Variants in UBE3C observed in about 807,000 individuals in gnomAD.
The protein encoded by UBE3C is ubiquitin-protein ligase E3C.
Under a neutral mutation model 129.4 loss-of-function variants are expected in UBE3C, and 42 were observed. That is an observed-to-expected ratio of 0.32 (90% CI 0.25 to 0.42). UBE3C has a LOEUF of 0.42. Among genes scored for constraint, UBE3C ranks in the 10% least tolerant of loss-of-function variants. The pLI, the probability that UBE3C is intolerant of heterozygous loss-of-function variation, is 1.00. For synonymous variants in UBE3C, 510 were observed against 492.4 expected, an observed-to-expected ratio of 1.04 and a Z score of -0.47; for missense variants, 1,049 against 1,319.1, an observed-to-expected ratio of 0.80 and a Z score of 3.17.
At chr7:157,200,852 G>A (rs1809259807) in intron 10 of UBE3C, among the ~76,000 whole-genome samples, 1 of 152,142 alleles carries the variant, frequency 6.6e-6, no homozygotes, top group African/African-American at 2.4e-5. Flanking sequence ...CTAGGCTGAA[G>A]CAATCTGCCT....
At chr7:157,197,829 G>T (rs1458856442) in intron 10 of UBE3C, 1 of 1,612,806 alleles carries the variant, frequency 6.2e-7, no homozygotes, top group African/African-American at 1.3e-5. Context: ...AATTTTTGTT[G>T]TTGGCACTGA....
chr7:157,191,917 A>G (rs1326748414), intron 10 of UBE3C, among the ~76,000 whole-genome samples: 2 of 152,172 alleles, frequency 1.3e-5, no homozygotes, highest in Admixed American at 6.5e-5. Flanking sequence ...TTTTATTATC[A>G]GTGATATTTT....
intron 1 of UBE3C, among the ~76,000 whole-genome samples, chr7:157,155,287 A>G (rs2116830070): frequency 6.6e-6 from 1 of 152,320 alleles, no homozygotes; most frequent in East Asian, 1.9e-4. Context: ...AGTGTATAAA[A>G]TGGCTAGCAT....
At chr7:157,188,299 T>C (rs1808865171) in intron 10 of UBE3C, among the ~76,000 whole-genome samples, 2 of 152,234 alleles carry the variant, frequency 1.3e-5, no homozygotes, top group African/African-American at 4.8e-5. Flanking sequence ...AAAGCATTCT[T>C]TGAAATGAAC....
chr7:157,159,807 C>A (rs938207727), intron 1 of UBE3C, among the ~76,000 whole-genome samples: 1 of 152,088 alleles, frequency 6.6e-6, no homozygotes, highest in Non-Finnish European at 1.5e-5. Context: ...TGGGCCAGAG[C>A]GAGACTCTGT....
At chr7:157,164,235 C>G (rs1036871645) in intron 2 of UBE3C, among the ~76,000 whole-genome samples, 1 of 152,060 alleles carries the variant, frequency 6.6e-6, no homozygotes, top group African/African-American at 2.4e-5. Context: ...TCATAGCTCA[C>G]TGTAGCCTTG....
chr7:157,241,910 A>G (rs1796339759), intron 18 of UBE3C, among the ~76,000 whole-genome samples: 1 of 152,186 alleles, frequency 6.6e-6, no homozygotes, highest in Non-Finnish European at 1.5e-5. Flanking sequence ...AGATGCAGAG[A>G]TCACCAAAGA....
intron 1 of UBE3C, among the ~76,000 whole-genome samples, chr7:157,163,388 CA>C (rs367764291): frequency 2.1e-3 from 199 of 95,216 alleles, no homozygotes; most frequent in East Asian, 2.6e-3. Flanking sequence ...GACTCCATCT[CA>C]AAAAAAAAAA....
intron 13 of UBE3C, among the ~76,000 whole-genome samples, chr7:157,210,165 A>ACT (rs1012604242): frequency 6.6e-6 from 1 of 150,546 alleles, no homozygotes; most frequent in Non-Finnish European, 1.5e-5. Context: ...CGGTAGGGTG[A>ACT]CTCTCTCTCC....
intron 17 of UBE3C, among the ~76,000 whole-genome samples, chr7:157,225,912 A>G (rs1403370885): frequency 6.6e-6 from 1 of 152,196 alleles, no homozygotes; most frequent in Non-Finnish European, 1.5e-5. Context: ...TGATTGTGCT[A>G]CTGCTCAGGC....
intron 14 of UBE3C, among the ~76,000 whole-genome samples, chr7:157,218,077 G>C (rs948561800): frequency 6.6e-6 from 1 of 152,118 alleles, no homozygotes; most frequent in Non-Finnish European, 1.5e-5. Flanking sequence ...GGTATTTTCA[G>C]TTCTTGAGAA....
At chr7:157,175,802 A>C (rs114408937) in intron 5 of UBE3C, among the ~76,000 whole-genome samples, 294 of 150,764 alleles carry the variant, frequency 2.0e-3, no homozygotes, top group African/African-American at 7.0e-3. Context: ...TTTCTAACTT[A>C]TTTCTTTAAT....
intron 6 of UBE3C, 106 bp from the exon 7 acceptor site, chr7:157,181,408 AACTT>A: frequency 1.1e-6 from 1 of 932,682 alleles, no homozygotes; most frequent in Non-Finnish European, 1.6e-6. Context: ...TTAAAGAACT[AACTT>A]AAGTTTGGAC....
intron 4 of UBE3C, among the ~76,000 whole-genome samples, chr7:157,171,121 CTT>C (rs5888710): frequency 3.3e-5 from 5 of 151,722 alleles, no homozygotes; most frequent in African/African-American, 1.2e-4. Flanking sequence ...TTTAGGGTCT[CTT>C]TTGTGGGGAG....
chr7:157,247,623 C>T (rs1384659014), intron 18 of UBE3C, among the ~76,000 whole-genome samples: 1 of 151,958 alleles, frequency 6.6e-6, no homozygotes, highest in Middle Eastern at 3.4e-3. Context: ...ACCTGGGAGG[C>T]GGAGGTTGCA....
chr7:157,150,513 C>T (rs1586643967), intron 1 of UBE3C, among the ~76,000 whole-genome samples: 1 of 152,158 alleles, frequency 6.6e-6, no homozygotes, highest in African/African-American at 2.4e-5. Context: ...TGATTTATGG[C>T]ATTACTTATA....
At chr7:157,238,858 G>A (rs1245190067) in intron 18 of UBE3C, among the ~76,000 whole-genome samples, 1 of 152,150 alleles carries the variant, frequency 6.6e-6, no homozygotes, top group Non-Finnish European at 1.5e-5. Flanking sequence ...GGAAAGGAAG[G>A]GAGAAAACCA....
At chr7:157,247,721 C>G (rs777733207) in intron 18 of UBE3C, among the ~76,000 whole-genome samples, 6 of 152,096 alleles carry the variant, frequency 3.9e-5, no homozygotes, top group Non-Finnish European at 8.8e-5. Context: ...AGTAATATTT[C>G]TTGACATGTG....
intron 18 of UBE3C, among the ~76,000 whole-genome samples, chr7:157,236,541 T>A (rs1394506993): frequency 6.6e-6 from 1 of 152,202 alleles, no homozygotes; most frequent in Non-Finnish European, 1.5e-5. Flanking sequence ...CTTAACAGTT[T>A]ATCTTGAGAT....
Sources: allele counts gnomAD v4.1 joint callset (sites outside exome capture counted in the v4.1 genomes callset), GRCh38; gene constraint gnomAD v4.1.1; transcripts MANE v1.5; gene names NCBI Gene and HGNC (gene_info 2026-07-23, HGNC 2026-07-21).